The following B4GALT4 variants were observed in gnomAD, a reference collection of about 807,000 sequenced individuals.
The protein encoded by B4GALT4 is N-acetyllactosamine synthase.
Under a neutral mutation model 37.3 loss-of-function variants are expected in B4GALT4, and 27 were observed. That is an observed-to-expected ratio of 0.72 (90% CI 0.53 to 1.00). B4GALT4 has a LOEUF of 1.00. Ranked by LOEUF, B4GALT4 falls within the 50% of genes least tolerant of loss-of-function variation. The pLI is 0.00. For missense variants in B4GALT4, 372 were observed against 413.1 expected (o/e 0.90, Z 0.86); for synonymous variants, 148 against 154.1 (o/e 0.96, Z 0.29).
At chr3:119,221,932 G>A (rs1370303300) in intron 5 of B4GALT4, among the ~76,000 whole-genome samples, 1 of 152,220 alleles carries the variant, frequency 6.6e-6, no homozygotes, top group Admixed American at 6.5e-5. Flanking sequence ...TACATATGCT[G>A]TTTCTCAGAG....
intron 2 of B4GALT4, among the ~76,000 whole-genome samples, chr3:119,236,633 C>T (rs78241633): frequency 0.057 from 8,717 of 152,180 alleles, 273 homozygotes; most frequent in African/African-American, 0.096. Flanking sequence ...TAACAAATGA[C>T]GGACTAGGAT....
chr3:119,218,815 C>T, intron 5 of B4GALT4, 43 bp from the exon 6 acceptor site: 1 of 1,608,308 alleles, frequency 6.2e-7, no homozygotes, highest in Non-Finnish European at 8.5e-7. Context: ...ATATTCGCAC[C>T]AAAGGTCTCT....
At chr3:119,216,883 G>A (rs1295163694) in intron 6 of B4GALT4, among the ~76,000 whole-genome samples, 1 of 152,220 alleles carries the variant, frequency 6.6e-6, no homozygotes, top group African/African-American at 2.4e-5. Context: ...AATGGCAATG[G>A]TGATAGGGAG....
At chr3:119,227,581 C>T (rs2078664176) in intron 3 of B4GALT4, among the ~76,000 whole-genome samples, 1 of 152,166 alleles carries the variant, frequency 6.6e-6, no homozygotes, top group Admixed American at 6.6e-5. Flanking sequence ...CCAGCTGTAA[C>T]AGGTATGTGT....
In B4GALT4 at chr3:119,230,071, G is replaced by A. The variant is rs764616640; in HGVS notation, c.29C>T (p.Ser10Phe). 8 of 1,614,184 alleles carry A rather than the reference G, an allele frequency of 5.0e-6. No individual in the cohort carries two copies. The South Asian group carries it at 7.7e-5, about 16-fold the overall frequency. The change falls in exon 3 of 8, where the codon TCC becomes TTC. Residue 10 changes from serine to phenylalanine, a missense_variant. Transcript: ENST00000393765. Reference protein sequence around the residue: MGFNLTFHLSYKFRLLLLLT... With the variant: MGFNLTFHLFYKFRLLLLLT... Reference sequence around the variant, plus strand: ...CAGCAACAGTAATCGGAATTTGTAGGAAAGGTGGAAAGTCAGGTTGAAGCC... The same window carrying A: ...CAGCAACAGTAATCGGAATTTGTAGAAAAGGTGGAAAGTCAGGTTGAAGCC...
intron 3 of B4GALT4, among the ~76,000 whole-genome samples, chr3:119,227,476 G>A (rs77757660): frequency 0.035 from 5,345 of 152,122 alleles, 335 homozygotes; most frequent in African/African-American, 0.12. Context: ...CCTGGACAAG[G>A]CACTCTTCCC....
At chr3:119,235,797 T>C (rs1301429110) in intron 2 of B4GALT4, among the ~76,000 whole-genome samples, 3 of 152,116 alleles carry the variant, frequency 2.0e-5, no homozygotes, top group Non-Finnish European at 4.4e-5. Context: ...CAGCCCAACC[T>C]AGAAGCATTT....
chr3:119,233,398 G>A (rs2078884943), intron 2 of B4GALT4, among the ~76,000 whole-genome samples: 1 of 152,160 alleles, frequency 6.6e-6, no homozygotes, highest in Admixed American at 6.5e-5. Context: ...GGTTTGAACT[G>A]CACGGCTCCA....
intron 1 of B4GALT4, among the ~76,000 whole-genome samples, chr3:119,237,861 A>G (rs1297107120): frequency 6.6e-6 from 1 of 152,262 alleles, no homozygotes; most frequent in African/African-American, 2.4e-5. Context: ...ATCTGATTTA[A>G]TTAATTATAA....
intron 4 of B4GALT4, chr3:119,226,575 C>A: frequency 1.9e-6 from 1 of 519,038 alleles, no homozygotes; most frequent in Non-Finnish European, 3.5e-6. Flanking sequence ...ACAAAACAGG[C>A]TTCCTCCAGA....
At position 119,224,083 on chromosome 3, in the gene B4GALT4, C is replaced by G. The variant is rs1576907739; in HGVS notation, c.649G>C (p.Val217Leu). Residue 217 changes from valine to leucine, a missense_variant, in exon 5 of 8, where the codon GTT becomes CTT. Physicochemically the swap from Val to Leu is conservative, Grantham distance 32. Coordinates refer to ENST00000393765, the MANE Select transcript of B4GALT4 (RefSeq NM_003778.4). ...CTGTACCCAGTGCTGTTCCTGCCAA[C>G]CACCAGATGCTTGGGATGCTCCTCA... ...KCEEHPKHLV[V>L]GRNSTGYRLR... is the part of the protein sequence containing the mutation. 2.5e-6 allele frequency: 4 copies of G among 1,613,698 alleles called. No homozygotes were observed. The highest frequency in any genetic ancestry group is 3.4e-6 in the Non-Finnish European group (4 of 1,179,850).
Position 119,211,844 on chromosome 3 carries a change from A to G in B4GALT4, c.*705T>C, listed in dbSNP as rs1188607674. On this transcript the variant is annotated 3_prime_UTR_variant, in exon 8 of 8. Coordinates refer to ENST00000393765, the MANE Select transcript of B4GALT4 (RefSeq NM_003778.4). ...ATTCATATCCTACTTGTACAAAATC[A>G]TTTTACAAAAACTCTTTAAAAACTA... 6.3e-6 allele frequency: 2 copies of G among 317,242 alleles called. No individual in the cohort carries two copies. The highest frequency in any genetic ancestry group is 5.8e-6 in the Non-Finnish European group (1 of 173,718). The allele number at this position is 317,242 out of a possible 1,614,324, so 19.7% of individuals were successfully genotyped here. A position where few individuals can be genotyped will look rare whatever the true frequency, so the allele number is the denominator to read the frequency against.
rs200101918 is a variant in B4GALT4, at chr3:119,224,677, TA to T, written c.487-433del. Among the ~76,000 whole-genome samples the T allele has an allele frequency of 1.6e-4, 25 of 152,280 alleles. No homozygotes were observed. The South Asian group carries it at 3.9e-3, about 24-fold the overall frequency. On this transcript the variant is annotated intron_variant, in intron 4 of 7. Coordinates refer to ENST00000393765, the MANE Select transcript of B4GALT4 (RefSeq NM_003778.4). ...TAAGATAGCAAAAATTTTAAAAAGTTAAAAAAAGTTAAGATGGTAAATTTTA... is the reference window on the plus strand; with the variant it reads ...TAAGATAGCAAAAATTTTAAAAAGTTAAAAAAGTTAAGATGGTAAATTTTA...
intron 1 of B4GALT4, 48 bp from the exon 2 acceptor site, chr3:119,237,118 C>A (rs1341308037): frequency 6.6e-6 from 1 of 152,210 alleles, no homozygotes; most frequent in African/African-American, 2.4e-5. Flanking sequence ...ATATGTTATG[C>A]AGCATAATAG....
At chr3:119,217,313 T>C (rs1300106114) in intron 6 of B4GALT4, among the ~76,000 whole-genome samples, 1 of 152,224 alleles carries the variant, frequency 6.6e-6, no homozygotes, top group Non-Finnish European at 1.5e-5. Flanking sequence ...TCCTAAGCCA[T>C]GACCACATAG....
In B4GALT4 at chr3:119,230,159, A is replaced by G. The variant is rs565631127; in HGVS notation, c.-60T>C. The G allele has an allele frequency of 3.2e-6, 5 of 1,586,344 alleles. No individual in the cohort carries two copies. Among genetic ancestry groups the G allele is most frequent in the Non-Finnish European group, 4.3e-6 (5 of 1,164,730 alleles). On this transcript the variant is annotated 5_prime_UTR_variant, in exon 3 of 8. Coordinates refer to ENST00000393765, the MANE Select transcript of B4GALT4 (RefSeq NM_003778.4). ...CTTCACTGCAGGCAAGAAAGCTTCA[A>G]GTTGAGCTTTTCCAATCTGATTGCG...
In B4GALT4 at chr3:119,230,178, G is replaced by C; in HGVS notation, c.-79C>G. On this transcript the variant is annotated 5_prime_UTR_variant, in exon 3 of 8. The change creates a new upstream start codon in the 5' untranslated region. Coordinates refer to ENST00000393765, the MANE Select transcript of B4GALT4 (RefSeq NM_003778.4). ...GCTTCAAGTTGAGCTTTTCCAATCT[G>C]ATTGCGAACTTGATGACAACTGAAG... 2 of 1,543,682 alleles carry C rather than the reference G, an allele frequency of 1.3e-6. No homozygotes were observed. Among genetic ancestry groups the C allele is most frequent in the Non-Finnish European group, 8.8e-7 (1 of 1,136,576 alleles).
chr3:119,235,395 T>TATGA (rs1317318105), intron 2 of B4GALT4, among the ~76,000 whole-genome samples: 6 of 152,204 alleles, frequency 3.9e-5, no homozygotes, highest in African/African-American at 1.4e-4. Context: ...ATTCGGCAGC[T>TATGA]ATGAGCACCA....
chr3:119,235,860 T>G (rs909221283), intron 2 of B4GALT4, among the ~76,000 whole-genome samples: 1 of 152,118 alleles, frequency 6.6e-6, no homozygotes, highest in Admixed American at 6.5e-5. Flanking sequence ...TAGGATAAAG[T>G]GACTATCCAC....
Sources: allele counts gnomAD v4.1 joint callset (sites outside exome capture counted in the v4.1 genomes callset), GRCh38; gene constraint gnomAD v4.1.1; transcripts MANE v1.5; gene names NCBI Gene and HGNC (gene_info 2026-07-23, HGNC 2026-07-21).